Variants in NAA11 observed in about 807,000 individuals in gnomAD.
The protein encoded by NAA11 is N-alpha-acetyltransferase 11, NatA catalytic subunit.
NAA11 carries 15 observed loss-of-function variants against 16.1 expected under a neutral mutation model. The ratio of observed to expected loss-of-function variants is 0.93; its 90% CI spans 0.62 to 1.44. The LOEUF (loss-of-function observed/expected upper bound fraction) is 1.44, where lower values mean the gene tolerates loss of function less well. Among genes scored for constraint, NAA11 ranks in the 40% most tolerant of loss-of-function variants. NAA11 has a pLI of 0.00. For missense variants in NAA11, 298 were observed against 291.3 expected (o/e 1.02, Z -0.17); for synonymous variants, 122 against 112.4 (o/e 1.09, Z -0.54).
the NAA11 span, among the ~76,000 whole-genome samples, chr4:79,162,402 G>A: frequency 1.3e-5 from 2 of 152,130 alleles, no homozygotes; most frequent in Non-Finnish European, 2.9e-5. Flanking sequence ...GGATTGATAA[G>A]CCTCTTGACA....
At chr4:79,285,360 C>A (rs1265372646) in intron 2 of NAA11, among the ~76,000 whole-genome samples, 1 of 151,974 alleles carries the variant, frequency 6.6e-6, no homozygotes, top group Non-Finnish European at 1.5e-5. Context: ...TATTGTTTAT[C>A]TTTTCTTCAA....
At chr4:79,227,244 T>A (rs1036222870) in intron 2 of NAA11, 2 of 151,952 alleles carry the variant, frequency 1.3e-5, no homozygotes, top group African/African-American at 4.8e-5. Context: ...TAGGAGAAAA[T>A]TTTTGCAATC....
Position 79,325,648 on chromosome 4 carries a change from A to T in NAA11, c.230T>A (p.Val77Glu). 1 of 1,614,046 alleles carries T rather than the reference A, an allele frequency of 6.2e-7. No homozygotes were observed. The highest frequency in any genetic ancestry group is 8.5e-7 in the Non-Finnish European group (1 of 1,179,934). The change falls in exon 1 of 2, where the codon GTG becomes GAG. Residue 77 changes from valine to glutamate, a missense_variant. Coordinates refer to ENST00000286794, the MANE Select transcript of NAA11 (RefSeq NM_032693.3). The part of the protein sequence containing the change: ...VPHGHITSLA[V>E]KRSHRRLGLA... ...GCCGAGGCGCCGGTGTGAACGCTTCACGGCCAGTGAGGTGATATGGCCATG... is the reference window on the plus strand; with the variant it reads ...GCCGAGGCGCCGGTGTGAACGCTTCTCGGCCAGTGAGGTGATATGGCCATG...
At chr4:79,159,069 A>G in the NAA11 span, among the ~76,000 whole-genome samples, 1 of 152,206 alleles carries the variant, frequency 6.6e-6, no homozygotes, top group Non-Finnish European at 1.5e-5. Flanking sequence ...AATGCAAGAA[A>G]AGCAAAGATA....
At chr4:79,165,055 A>G in the NAA11 span, among the ~76,000 whole-genome samples, 1 of 152,240 alleles carries the variant, frequency 6.6e-6, no homozygotes, top group Non-Finnish European at 1.5e-5. Flanking sequence ...CAATTACTGG[A>G]TATTAATGGC....
chr4:79,266,943 T>C (rs1040824659), intron 2 of NAA11, among the ~76,000 whole-genome samples: 1 of 152,174 alleles, frequency 6.6e-6, no homozygotes, highest in East Asian at 1.9e-4. Flanking sequence ...CACCAACTCA[T>C]AGATTTTAAA....
chr4:79,303,559 G>C (rs1442948697), intron 1 of NAA11, among the ~76,000 whole-genome samples: 2 of 152,200 alleles, frequency 1.3e-5, no homozygotes, highest in Non-Finnish European at 2.9e-5. Context: ...AGTGCCATTT[G>C]AAAGTAGCTA....
the NAA11 span, among the ~76,000 whole-genome samples, chr4:79,161,339 A>G: frequency 2.6e-5 from 4 of 152,086 alleles, no homozygotes; most frequent in Admixed American, 2.0e-4. Context: ...TCTTAAGTAT[A>G]AGGGTTTATT....
the NAA11 span, among the ~76,000 whole-genome samples, chr4:79,220,285 G>A: frequency 5.9e-5 from 9 of 152,110 alleles, no homozygotes; most frequent in Middle Eastern, 3.2e-3. Context: ...TAGAGACGGC[G>A]TTTCGCCATA....
At chr4:79,242,820 A>G (rs188232621) in intron 2 of NAA11, among the ~76,000 whole-genome samples, 42 of 152,362 alleles carry the variant, frequency 2.8e-4, no homozygotes, top group Admixed American at 1.6e-3. Flanking sequence ...CCTATTGGCT[A>G]TATGGTAGTT....
chr4:79,194,614 C>T, the NAA11 span, among the ~76,000 whole-genome samples: 2 of 152,138 alleles, frequency 1.3e-5, no homozygotes, highest in Non-Finnish European at 2.9e-5. Flanking sequence ...AAAGCCTTAT[C>T]TGGCACATGT....
intron 2 of NAA11, among the ~76,000 whole-genome samples, chr4:79,277,906 G>T (rs1191178028): frequency 6.6e-6 from 1 of 151,556 alleles, no homozygotes; most frequent in Non-Finnish European, 1.5e-5. Flanking sequence ...CTACATAGAA[G>T]TAACTTGCCT....
chr4:79,274,438 G>C (rs920370909), intron 2 of NAA11, among the ~76,000 whole-genome samples: 5 of 152,040 alleles, frequency 3.3e-5, no homozygotes, highest in African/African-American at 1.2e-4. Flanking sequence ...AGGTACATTT[G>C]CATCAACCTC....
rs575570931 is a variant in NAA11 at position 79,228,348 on chromosome 4, T to C, written c.*123-2078A>G. On this transcript the variant is annotated intron_variant and NMD_transcript_variant, in intron 2 of 2. Transcript: ENST00000511542. ...TAAGAATTTGGAAATTATTTTATTATGATATCATTTATGTACATTAAAATT... is the reference window on the plus strand; with the variant it reads ...TAAGAATTTGGAAATTATTTTATTACGATATCATTTATGTACATTAAAATT... Among the ~76,000 whole-genome samples, 4 of 152,164 alleles carry C rather than the reference T, an allele frequency of 2.6e-5. No homozygotes were observed. The East Asian group carries it at 7.7e-4, about 29-fold the overall frequency.
chr4:79,192,711 A>G, the NAA11 span, among the ~76,000 whole-genome samples: 1 of 151,918 alleles, frequency 6.6e-6, no homozygotes, highest in South Asian at 2.1e-4. Flanking sequence ...TCTTTATAGC[A>G]GCATGATTTA....
chr4:79,197,497 A>G, the NAA11 span: 1 of 151,972 alleles, frequency 6.6e-6, no homozygotes, highest in African/African-American at 2.4e-5. Flanking sequence ...TTGGCCAATT[A>G]TATGTGGGCA....
At chr4:79,219,519 C>T in the NAA11 span, among the ~76,000 whole-genome samples, 17 of 152,200 alleles carry the variant, frequency 1.1e-4, no homozygotes, top group African/African-American at 2.2e-4. Context: ...ATTCTAGAAT[C>T]GAAGGACTAA....
intron 1 of NAA11, among the ~76,000 whole-genome samples, chr4:79,301,192 T>A (rs1039181228): frequency 6.6e-6 from 1 of 152,220 alleles, no homozygotes; most frequent in Non-Finnish European, 1.5e-5. Flanking sequence ...AAGTACCGAA[T>A]AAACATTTCA....
chr4:79,303,105 T>TAA (rs2110004130), intron 1 of NAA11, among the ~76,000 whole-genome samples: 1 of 129,980 alleles, frequency 7.7e-6, no homozygotes, highest in South Asian at 2.5e-4. Context: ...TATATATATA[T>TAA]ATATATATAT....
Sources: allele counts gnomAD v4.1 joint callset (sites outside exome capture counted in the v4.1 genomes callset), GRCh38; gene constraint gnomAD v4.1.1; transcripts MANE v1.5; gene names NCBI Gene and HGNC (gene_info 2026-07-23, HGNC 2026-07-21).